The following HHIP variants were observed in gnomAD, a reference collection of about 807,000 sequenced individuals.
HHIP encodes hedgehog interacting protein.
HHIP carries 12 observed loss-of-function variants against 74.0 expected under a neutral mutation model. That is an observed-to-expected ratio of 0.16 (90% CI 0.10 to 0.26). The LOEUF is 0.26. HHIP is among the 10% of genes least tolerant of loss of function. HHIP has a pLI of 1.00. For missense variants in HHIP, 788 were observed against 845.0 expected (o/e 0.93, Z 0.84); for synonymous variants, 309 against 311.6 (o/e 0.99, Z 0.09).
chr4:144,655,323 A>G (rs1241471076), intron 2 of HHIP, among the ~76,000 whole-genome samples: 1 of 152,144 alleles, frequency 6.6e-6, no homozygotes, highest in East Asian at 1.9e-4. Flanking sequence ...TTTCTGCAGG[A>G]CTTTTCTTCT....
chr4:144,667,280 T>C (rs1382947568), intron 4 of HHIP, among the ~76,000 whole-genome samples: 1 of 152,088 alleles, frequency 6.6e-6, no homozygotes, highest in Non-Finnish European at 1.5e-5. Context: ...GCCCAGGAGT[T>C]CAAGGTTGCA....
At chr4:144,671,658 G>A (rs1044073393) in intron 4 of HHIP, among the ~76,000 whole-genome samples, 1 of 152,086 alleles carries the variant, frequency 6.6e-6, no homozygotes, top group Non-Finnish European at 1.5e-5. Flanking sequence ...CATCTCTTCG[G>A]GGATCATGAC....
chr4:144,662,814 A>T (rs771279883), intron 4 of HHIP, among the ~76,000 whole-genome samples: 6 of 152,236 alleles, frequency 3.9e-5, no homozygotes, highest in Non-Finnish European at 8.8e-5. Flanking sequence ...CTTCTTTGAG[A>T]TACTGGGTGA....
At chr4:144,731,839 C>T (rs1730966341) in intron 11 of HHIP, among the ~76,000 whole-genome samples, 1 of 152,140 alleles carries the variant, frequency 6.6e-6, no homozygotes, top group South Asian at 2.1e-4. Context: ...TCTATAACAT[C>T]CCTTAAAGTA....
chr4:144,734,642 AAGTAAG>A, intron 11 of HHIP, 93 bp from the exon 12 acceptor site: 4 of 986,080 alleles, frequency 4.1e-6, no homozygotes, highest in Non-Finnish European at 5.7e-6. Flanking sequence ...TCTCTCTAGA[AAGTAAG>A]AGGCATGCTT....
At chr4:144,664,257 G>A (rs1242200538) in intron 4 of HHIP, among the ~76,000 whole-genome samples, 1 of 152,222 alleles carries the variant, frequency 6.6e-6, no homozygotes, top group African/African-American at 2.4e-5. Context: ...GGGTGACTGA[G>A]CCAATTGAGG....
chr4:144,697,473 T>C (rs1008724041), intron 4 of HHIP, among the ~76,000 whole-genome samples: 1 of 152,082 alleles, frequency 6.6e-6, no homozygotes, highest in African/African-American at 2.4e-5. Context: ...AGCCAGATAG[T>C]CCCTTGTGTT....
chr4:144,683,625 T>C (rs1418282166), intron 4 of HHIP, among the ~76,000 whole-genome samples: 1 of 152,228 alleles, frequency 6.6e-6, no homozygotes, highest in Non-Finnish European at 1.5e-5. Context: ...TACTATATGG[T>C]AATGACTTAG....
At chr4:144,647,514 A>T (rs899537934) in intron 1 of HHIP, among the ~76,000 whole-genome samples, 1 of 152,226 alleles carries the variant, frequency 6.6e-6, no homozygotes, top group Non-Finnish European at 1.5e-5. Context: ...AGGGACCTGA[A>T]AAAAACTGGC....
intron 3 of HHIP, 54 bp downstream of exon 3, chr4:144,659,000 C>T (rs1578679319): frequency 1.4e-6 from 2 of 1,475,062 alleles, no homozygotes; most frequent in East Asian, 4.6e-5. Flanking sequence ...ACTGACAAAT[C>T]TTGTGGTTTT....
chr4:144,663,757 G>C (rs951092023), intron 4 of HHIP, among the ~76,000 whole-genome samples: 7 of 152,048 alleles, frequency 4.6e-5, no homozygotes, highest in East Asian at 1.9e-4. Context: ...TTCCATTTTG[G>C]AATCTGGTGC....
chr4:144,731,773 C>T (rs2126687311), intron 11 of HHIP, among the ~76,000 whole-genome samples: 1 of 152,248 alleles, frequency 6.6e-6, no homozygotes, highest in Admixed American at 6.5e-5. Context: ...TTCCTAGTTC[C>T]TATGAATATG....
intron 4 of HHIP, among the ~76,000 whole-genome samples, chr4:144,698,383 A>G (rs907236580): frequency 6.6e-6 from 1 of 152,202 alleles, no homozygotes; most frequent in Non-Finnish European, 1.5e-5. Context: ...TTCTATGTTT[A>G]CATGCACAGA....
intron 2 of HHIP, among the ~76,000 whole-genome samples, chr4:144,658,399 T>A (rs952901311): frequency 3.3e-5 from 5 of 151,862 alleles, no homozygotes; most frequent in African/African-American, 1.2e-4. Context: ...AGAAGGTGTC[T>A]CGCTCTGTGG....
chr4:144,656,246 A>G (rs1416536148), intron 2 of HHIP, among the ~76,000 whole-genome samples: 1 of 152,222 alleles, frequency 6.6e-6, no homozygotes, highest in Non-Finnish European at 1.5e-5. Context: ...TTTAAGTAAA[A>G]ATCTTCTGAG....
intron 11 of HHIP, among the ~76,000 whole-genome samples, chr4:144,720,281 G>A (rs1730597436): frequency 6.6e-6 from 1 of 152,132 alleles, no homozygotes; most frequent in South Asian, 2.1e-4. Context: ...TCAAACTAAT[G>A]TTAATTCACA....
In HHIP at chr4:144,677,451, G is replaced by A. The variant is rs1024344622; in HGVS notation, c.831+17613G>A. Among the ~76,000 whole-genome samples the A allele has an allele frequency of 2.6e-5, 4 of 152,268 alleles. No individual in the cohort carries two copies. In the South Asian group the frequency reaches 6.2e-4, roughly 24 times the overall value. ...GAGAATGAGGGCTGCTTTTCCGTGAGTCTCAACAGCAGTCTCATAACAGAT... is the reference window on the plus strand; with the variant it reads ...GAGAATGAGGGCTGCTTTTCCGTGAATCTCAACAGCAGTCTCATAACAGAT... On this transcript the variant is annotated intron_variant, in intron 4 of 12. Coordinates refer to ENST00000296575, the MANE Select transcript of HHIP (RefSeq NM_022475.3).
intron 1 of HHIP, among the ~76,000 whole-genome samples, chr4:144,647,410 G>C (rs754816133): frequency 6.6e-5 from 10 of 152,214 alleles, no homozygotes; most frequent in Non-Finnish European, 1.3e-4. Context: ...GGATGTTGAA[G>C]CATGGTTGGT....
intron 4 of HHIP, among the ~76,000 whole-genome samples, chr4:144,700,367 G>A (rs571658470): frequency 4.6e-5 from 7 of 152,270 alleles, no homozygotes; most frequent in Admixed American, 4.6e-4. Flanking sequence ...TTCAGAAACC[G>A]ATTAAAATAT....
Sources: gnomAD v4.1 joint callset for allele counts (sites outside exome capture counted in the v4.1 genomes callset) on GRCh38, gnomAD v4.1.1 for gene constraint, MANE v1.5 for transcripts, NCBI Gene and HGNC (gene_info 2026-07-23, HGNC 2026-07-21) for gene names.